Variants in CDC73 observed in about 807,000 individuals in gnomAD.
The protein encoded by CDC73 is parafibromin.
In CDC73, 21 loss-of-function variants were observed where a neutral mutation model predicts 83.7. That is an observed-to-expected ratio of 0.25 (90% CI 0.18 to 0.36). CDC73 has a LOEUF of 0.36. Ranked by LOEUF, CDC73 falls within the 10% of genes least tolerant of loss-of-function variation. The pLI, the probability that CDC73 is intolerant of heterozygous loss-of-function variation, is 1.00. For missense variants in CDC73, 342 were observed against 653.3 expected (o/e 0.52, Z 5.19); for synonymous variants, 224 against 212.9 (o/e 1.05, Z -0.45).
Position 193,126,810 on chromosome 1 carries a change from GTGTC to G in CDC73, c.237+1598_237+1601del, listed in dbSNP as rs527821552. Reference sequence around the variant, plus strand: ...TAAAACAATTTTTTAAAATATCACTGTGTCTGTCATCACTGGAGCTGCTTTTTGA... The same window carrying G: ...TAAAACAATTTTTTAAAATATCACTGTGTCATCACTGGAGCTGCTTTTTGA... On this transcript the variant is annotated intron_variant, in intron 2 of 16. Transcript: ENST00000367435. Among the ~76,000 whole-genome samples the G allele has an allele frequency of 1.9e-3, 285 of 152,166 alleles. 3 individuals are homozygous for G. Among genetic ancestry groups the G allele is most frequent in the African/African-American group, 6.5e-3 (270 of 41,514 alleles).
intron 10 of CDC73, among the ~76,000 whole-genome samples, chr1:193,189,095 A>G (rs1191460883): frequency 6.6e-6 from 1 of 151,984 alleles, no homozygotes; most frequent in African/African-American, 2.4e-5. Flanking sequence ...CTGGGATTAC[A>G]GGCGTGTGCC....
chr1:193,214,050 C>T (rs1677320303), intron 13 of CDC73, among the ~76,000 whole-genome samples: 1 of 152,158 alleles, frequency 6.6e-6, no homozygotes, highest in Non-Finnish European at 1.5e-5. Flanking sequence ...TCTACTTTAA[C>T]CTTTTGTTGA....
At chr1:193,181,697 C>T (rs1676720046) in intron 10 of CDC73, 1 of 875,784 alleles carries the variant, frequency 1.1e-6, no homozygotes, top group Non-Finnish European at 1.7e-6. Context: ...AAAAATGAAG[C>T]ACAAAAGTTT....
At chr1:193,232,239 A>T (rs888150375) in intron 13 of CDC73, among the ~76,000 whole-genome samples, 3 of 141,904 alleles carry the variant, frequency 2.1e-5, no homozygotes, top group Non-Finnish European at 4.7e-5. Context: ...ATAAAATCTT[A>T]AAAAAAAAAA....
In CDC73 at chr1:193,252,402, G is replaced by A. The variant is rs1678057897; in HGVS notation, c.*1690G>A. 4.4e-6 allele frequency: 1 copy of A among 229,738 alleles called. No homozygotes were observed. The highest frequency in any genetic ancestry group is 2.2e-5 in the African/African-American group (1 of 45,152). The allele number at this position is 229,738 out of a possible 1,614,324, so 14.2% of individuals were successfully genotyped here. On this transcript the variant is annotated 3_prime_UTR_variant, in exon 17 of 17. Coordinates refer to ENST00000367435, the MANE Select transcript of CDC73 (RefSeq NM_024529.5). ...CAGAATCTGTAATATTTTTATGTAA[G>A]ATTACTTGTCAAGACTACTACAAGT...
At chr1:193,162,474 G>A (rs1572168455) in intron 10 of CDC73, among the ~76,000 whole-genome samples, 1 of 150,410 alleles carries the variant, frequency 6.6e-6, no homozygotes, top group Admixed American at 6.7e-5. Context: ...CCAGGTTCAA[G>A]CAATCCTCCT....
At chr1:193,147,049 G>C (rs1676013164) in intron 7 of CDC73, among the ~76,000 whole-genome samples, 1 of 151,846 alleles carries the variant, frequency 6.6e-6, no homozygotes, top group Admixed American at 6.6e-5. Flanking sequence ...GTGGAGTGCA[G>C]TGGCGCTATC....
chr1:193,128,318 G>C (rs1264350111), intron 2 of CDC73, among the ~76,000 whole-genome samples: 2 of 151,572 alleles, frequency 1.3e-5, no homozygotes, highest in Non-Finnish European at 2.9e-5. Flanking sequence ...TTTTGAGACA[G>C]AGTCTTGCTC....
At chr1:193,190,841 G>T (rs1676905988) in intron 10 of CDC73, among the ~76,000 whole-genome samples, 1 of 152,164 alleles carries the variant, frequency 6.6e-6, no homozygotes. Flanking sequence ...GTTCTCAAGG[G>T]GGCAGTGGTA....
chr1:193,185,442 A>G (rs1418627683), intron 10 of CDC73, among the ~76,000 whole-genome samples: 2 of 152,044 alleles, frequency 1.3e-5, no homozygotes, highest in East Asian at 3.9e-4. Flanking sequence ...TAGCTTGGTA[A>G]TATTTAAAAT....
chr1:193,137,932 C>T (rs959246924), intron 5 of CDC73, among the ~76,000 whole-genome samples, 153 bp from the exon 6 acceptor site: 5 of 152,116 alleles, frequency 3.3e-5, no homozygotes, highest in South Asian at 4.1e-4. Context: ...ATTATCTTTA[C>T]GTAGCCAAAA....
chr1:193,122,506 G>A, intron 1 of CDC73, 175 bp downstream of exon 1: 1 of 757,484 alleles, frequency 1.3e-6, no homozygotes, highest in South Asian at 1.7e-5. Context: ...AGGAAAGAAG[G>A]GGCGGAGCTC....
intron 10 of CDC73, among the ~76,000 whole-genome samples, chr1:193,189,286 A>T: frequency 6.6e-6 from 1 of 152,174 alleles, no homozygotes; most frequent in Non-Finnish European, 1.5e-5. Context: ...TAAGCTAGTT[A>T]AGAACTTTAC....
At chr1:193,247,815 A>G (rs1220993621) in intron 15 of CDC73, among the ~76,000 whole-genome samples, 1 of 152,102 alleles carries the variant, frequency 6.6e-6, no homozygotes, top group Non-Finnish European at 1.5e-5. Context: ...GTGAAGGCTG[A>G]GAGAGGAGAG....
intron 10 of CDC73, among the ~76,000 whole-genome samples, chr1:193,153,255 C>T (rs1462193044): frequency 6.6e-6 from 1 of 152,022 alleles, no homozygotes; most frequent in Admixed American, 6.6e-5. Context: ...CTGACCAAGC[C>T]ATATTTAACA....
At chr1:193,247,318 A>G (rs1425552441) in intron 15 of CDC73, among the ~76,000 whole-genome samples, 1 of 152,076 alleles carries the variant, frequency 6.6e-6, no homozygotes, top group Non-Finnish European at 1.5e-5. Context: ...CCACACCCAT[A>G]TAAGATGGCA....
At chr1:193,208,926 G>A (rs1211368032) in intron 11 of CDC73, among the ~76,000 whole-genome samples, 1 of 152,066 alleles carries the variant, frequency 6.6e-6, no homozygotes, top group African/African-American at 2.4e-5. Context: ...CAGCTTAAAT[G>A]CCACTTTCTT....
intron 15 of CDC73, among the ~76,000 whole-genome samples, chr1:193,237,515 G>A (rs928439276): frequency 4.6e-5 from 7 of 152,156 alleles, no homozygotes; most frequent in Non-Finnish European, 1.0e-4. Context: ...ACCTGGGGAT[G>A]TAAAGAAATT....
Position 193,122,160 on chromosome 1 carries a change from AGCGGCGGCGCCCCGAGCCGGCGGAG to A in CDC73, c.-37_-13del. 6.2e-7 allele frequency: 1 copy of A among 1,600,166 alleles called. No individual in the cohort carries two copies. The highest frequency in any genetic ancestry group is 8.6e-7 in the Non-Finnish European group (1 of 1,168,818). On this transcript the variant is annotated 5_prime_UTR_variant, in exon 1 of 17. Coordinates refer to ENST00000367435, the MANE Select transcript of CDC73 (RefSeq NM_024529.5). Reference sequence around the variant, plus strand: ...AGAAGAAGGAGGCAGGCGCGGCGGCAGCGGCGGCGCCCCGAGCCGGCGGAGGCGAGGGGGGGGAAGATGGCGGACG... The same window carrying A: ...AGAAGAAGGAGGCAGGCGCGGCGGCAGCGAGGGGGGGGAAGATGGCGGACG...
Sources: allele counts gnomAD v4.1 joint callset (sites outside exome capture counted in the v4.1 genomes callset), GRCh38; gene constraint gnomAD v4.1.1; transcripts MANE v1.5; gene names NCBI Gene and HGNC (gene_info 2026-07-23, HGNC 2026-07-21).